Variants in COBLL1 observed in about 807,000 individuals in gnomAD.
COBLL1 encodes the protein cordon-bleu WH2 repeat protein like 1.
A neutral mutation model predicts 94.8 loss-of-function variants in COBLL1; 50 were observed. That is an observed-to-expected ratio of 0.53 (90% CI 0.42 to 0.67). COBLL1 has a LOEUF of 0.67. COBLL1 is among the 30% of genes least tolerant of loss of function. The pLI is 0.00. For missense variants in COBLL1, 1,362 were observed against 1,348.7 expected (o/e 1.01, Z -0.15); for synonymous variants, 448 against 473.8 (o/e 0.95, Z 0.71).
intron 7 of COBLL1, among the ~76,000 whole-genome samples, chr2:164,715,621 A>G (rs560732723): frequency 6.6e-6 from 1 of 152,112 alleles, no homozygotes; most frequent in Non-Finnish European, 1.5e-5. Context: ...AAACCATGAT[A>G]TATATTAGAA....
intron 2 of COBLL1, among the ~76,000 whole-genome samples, chr2:164,798,444 T>A (rs1394443762): frequency 6.6e-6 from 1 of 152,176 alleles, no homozygotes; most frequent in African/African-American, 2.4e-5. Flanking sequence ...CACAAAGAGA[T>A]TACTCTGACG....
intron 2 of COBLL1, among the ~76,000 whole-genome samples, chr2:164,824,216 T>C (rs571202154): frequency 9.5e-4 from 144 of 151,944 alleles, no homozygotes; most frequent in Non-Finnish European, 1.7e-3. Flanking sequence ...ACCAAGTCTC[T>C]ATTAAAAATA....
At chr2:164,740,174 G>T (rs1464753262) in intron 3 of COBLL1, among the ~76,000 whole-genome samples, 2 of 151,954 alleles carry the variant, frequency 1.3e-5, no homozygotes, top group African/African-American at 4.8e-5. Flanking sequence ...TACATGCTGG[G>T]CAACATGGGG....
intron 1 of COBLL1, among the ~76,000 whole-genome samples, chr2:164,671,129 G>T (rs1691235284): frequency 6.6e-6 from 1 of 152,090 alleles, no homozygotes; most frequent in Non-Finnish European, 1.5e-5. Context: ...TATATATAAT[G>T]CTGCCAACAC....
chr2:164,702,591 A>G (rs115631825), intron 9 of COBLL1, among the ~76,000 whole-genome samples: 4,217 of 150,260 alleles, frequency 0.028, 101 homozygotes, highest in Non-Finnish European at 0.042. Context: ...TAATAATAAT[A>G]ATTTGAAAAC....
chr2:164,729,992 T>C lies in COBLL1; in HGVS notation c.354A>G (p.Ile118Met). 1 of 1,614,038 alleles carries C rather than the reference T, an allele frequency of 6.2e-7. No individual in the cohort carries two copies. Among genetic ancestry groups the C allele is most frequent in the Non-Finnish European group, 8.5e-7 (1 of 1,179,954 alleles). The change falls in exon 4 of 14, where the codon ATA (isoleucine) becomes ATG (methionine). Residue 118 changes from isoleucine (I) to methionine (M), a missense_variant. By Grantham distance (10) the Ile-to-Met change is conservative (BLOSUM62 1). Transcript: ENST00000652658. ...TTACCTTCTCTACCTCCAACATTCC[T>C]ATTGGTGTGTTTGGCTTAAATTTAA... ...NHIKFKPNTP[I>M]GMLEVEKVIL... is the part of the protein sequence containing the mutation.
At chr2:164,802,060 A>G (rs1258047225) in intron 2 of COBLL1, among the ~76,000 whole-genome samples, 1 of 152,262 alleles carries the variant, frequency 6.6e-6, no homozygotes, top group Non-Finnish European at 1.5e-5. Context: ...TTAAAAATTA[A>G]AACAAAATTT....
At chr2:164,747,209 GATT>G (rs1228701958) in intron 2 of COBLL1, among the ~76,000 whole-genome samples, 2 of 151,982 alleles carry the variant, frequency 1.3e-5, no homozygotes, top group African/African-American at 4.8e-5. Context: ...AAAATTAACT[GATT>G]ATGTTTTATT....
chr2:164,674,589 A>C (rs973366630), intron 1 of COBLL1, among the ~76,000 whole-genome samples: 1 of 152,196 alleles, frequency 6.6e-6, no homozygotes, highest in Non-Finnish European at 1.5e-5. Flanking sequence ...ATTAACATCA[A>C]TGAAGCATTT....
chr2:164,786,383 G>A (rs1168733088), intron 2 of COBLL1, among the ~76,000 whole-genome samples: 1 of 152,214 alleles, frequency 6.6e-6, no homozygotes, highest in Non-Finnish European at 1.5e-5. Flanking sequence ...TGGGCAGAGG[G>A]ATGGAGAGTC....
At chr2:164,786,620 G>A (rs1352126974) in intron 2 of COBLL1, among the ~76,000 whole-genome samples, 1 of 152,056 alleles carries the variant, frequency 6.6e-6, no homozygotes, top group Non-Finnish European at 1.5e-5. Context: ...TAAAAGTCTG[G>A]AATCACAGCA....
intron 2 of COBLL1, among the ~76,000 whole-genome samples, chr2:164,661,026 A>T (rs1691062286): frequency 6.6e-6 from 1 of 152,178 alleles, no homozygotes; most frequent in Non-Finnish European, 1.5e-5. Flanking sequence ...CATGTGCCAA[A>T]CATAAAAATT....
chr2:164,687,360 C>T (rs1683353772), intron 13 of COBLL1: 2 of 729,844 alleles, frequency 2.7e-6, no homozygotes, highest in Non-Finnish European at 2.4e-6. Flanking sequence ...ATATGAGCCA[C>T]TTCTCAGCCA....
rs1683061120 is a variant in COBLL1 at position 164,681,932 on chromosome 2, C to T, written c.*4014G>A. On this transcript the variant is annotated 3_prime_UTR_variant, in exon 14 of 14. Transcript: ENST00000652658. The stretch of plus-strand genomic sequence containing the variant: ...AACACAATGTATCTATATGAACAGT[C>T]TAACATATTAAGGATGGAAATTTGC... 6.6e-6 allele frequency: 1 copy of T among 152,158 alleles called. No homozygotes were observed. Among genetic ancestry groups the T allele is most frequent in the African/African-American group, 2.4e-5 (1 of 41,426 alleles). 9.4% of individuals were successfully genotyped at this position (152,158 alleles called of 1,614,324 possible).
At position 164,681,744 on chromosome 2, in the gene COBLL1, T is replaced by C. The variant is rs1253243878; in HGVS notation, c.*4202A>G. 1.3e-5 allele frequency: 2 copies of C among 152,204 alleles called. No individual in the cohort carries two copies. The highest frequency in any genetic ancestry group is 2.9e-5 in the Non-Finnish European group (2 of 68,034). The allele number at this position is 152,204 out of a possible 1,614,324, so 9.4% of individuals were successfully genotyped here. A position where few individuals can be genotyped will look rare whatever the true frequency, so the allele number is the denominator to read the frequency against. The stretch of plus-strand genomic sequence containing the variant: ...GTTTGCAACTGTAGCATTTTTTTTC[T>C]TCTCCAAGAAAAGTAATTAGCAAGA... On this transcript the variant is annotated 3_prime_UTR_variant, in exon 14 of 14. Coordinates refer to ENST00000652658, the MANE Select transcript of COBLL1 (RefSeq NM_001365672.2).
chr2:164,712,350 T>C (rs917636276), intron 7 of COBLL1, among the ~76,000 whole-genome samples: 9 of 152,118 alleles, frequency 5.9e-5, no homozygotes, highest in African/African-American at 2.2e-4. Context: ...TTGGTTCTGT[T>C]TATGATTTTC....
chr2:164,792,473 G>C (rs1192779407), intron 2 of COBLL1, among the ~76,000 whole-genome samples: 1 of 152,026 alleles, frequency 6.6e-6, no homozygotes, highest in Non-Finnish European at 1.5e-5. Context: ...CACATAATTA[G>C]AAACAGCCTC....
chr2:164,816,593 A>G (rs1168203207), intron 2 of COBLL1, among the ~76,000 whole-genome samples: 1 of 152,240 alleles, frequency 6.6e-6, no homozygotes, highest in East Asian at 1.9e-4. Flanking sequence ...AAAGGATATT[A>G]TACTGTAAGA....
At chr2:164,729,046 G>A (rs939218681) in intron 4 of COBLL1, among the ~76,000 whole-genome samples, 6 of 151,592 alleles carry the variant, frequency 4.0e-5, no homozygotes, top group African/African-American at 1.5e-4. Context: ...AAAAACAGCA[G>A]GGATATGTAA....
Sources: allele counts gnomAD v4.1 joint callset (sites outside exome capture counted in the v4.1 genomes callset), GRCh38; gene constraint gnomAD v4.1.1; transcripts MANE v1.5; gene names NCBI Gene and HGNC (gene_info 2026-07-23, HGNC 2026-07-21).